The following JAZF1 variants were observed in gnomAD, a reference collection of about 807,000 sequenced individuals.
The protein encoded by JAZF1 is juxtaposed with another zinc finger protein 1.
A neutral mutation model predicts 26.4 loss-of-function variants in JAZF1; 8 were observed. That is an observed-to-expected ratio of 0.30 (90% CI 0.18 to 0.55). The LOEUF (loss-of-function observed/expected upper bound fraction) is 0.55. JAZF1 is among the 20% of genes least tolerant of loss of function. JAZF1 has a pLI of 0.94. For synonymous variants in JAZF1, 126 were observed against 122.3 expected, an observed-to-expected ratio of 1.03 and a Z score of -0.20; for missense variants, 199 against 322.0, an observed-to-expected ratio of 0.62 and a Z score of 2.92.
In JAZF1 at chr7:27,832,680, AG is replaced by A; in HGVS notation, c.*119del. On this transcript the variant is annotated 3_prime_UTR_variant, in exon 5 of 5. Coordinates refer to ENST00000283928, the MANE Select transcript of JAZF1 (RefSeq NM_175061.4). Reference sequence around the variant, plus strand: ...TTCCAAAATTACAGAAAAAATTTAAAGCATGCATTTAATTCTTTTTCTTTAA... The same window carrying A: ...TTCCAAAATTACAGAAAAAATTTAAACATGCATTTAATTCTTTTTCTTTAA... 2 of 766,700 alleles carry A rather than the reference AG, an allele frequency of 2.6e-6. No individual in the cohort carries two copies. The highest frequency in any genetic ancestry group is 4.0e-6 in the Non-Finnish European group (2 of 495,914). The allele number at this position is 766,700 out of a possible 1,614,324, so 47.5% of individuals were successfully genotyped here.
At chr7:28,142,726 C>G (rs538003929) in intron 1 of JAZF1, among the ~76,000 whole-genome samples, 6 of 152,288 alleles carry the variant, frequency 3.9e-5, no homozygotes, top group Admixed American at 3.9e-4. Context: ...CTAGCCCATG[C>G]AGCCCTTTCG....
intron 1 of JAZF1, among the ~76,000 whole-genome samples, chr7:28,056,475 C>A (rs10243748): frequency 0.17 from 20,011 of 119,764 alleles, 1,884 homozygotes; most frequent in African/African-American, 0.2. Context: ...CACACACACA[C>A]AATAAGAAAG....
At chr7:27,910,861 C>T (rs1227771958) in intron 2 of JAZF1, among the ~76,000 whole-genome samples, 1 of 152,176 alleles carries the variant, frequency 6.6e-6, no homozygotes, top group African/African-American at 2.4e-5. Context: ...GGTTGTTCCC[C>T]CCACCCCAAG....
intron 1 of JAZF1, among the ~76,000 whole-genome samples, chr7:28,033,452 T>C (rs144493550): frequency 2.0e-5 from 3 of 152,098 alleles, no homozygotes; most frequent in African/African-American, 7.2e-5. Flanking sequence ...GAGCTGCACA[T>C]GTAAGCCTGT....
intron 1 of JAZF1, among the ~76,000 whole-genome samples, chr7:28,140,062 T>C (rs575637409): frequency 2.7e-5 from 4 of 149,122 alleles, no homozygotes; most frequent in Non-Finnish European, 4.4e-5. Context: ...CCAGCTCCTA[T>C]AAAAGTTGAA....
chr7:28,083,167 C>T (rs1784162979), intron 1 of JAZF1, among the ~76,000 whole-genome samples: 6 of 152,190 alleles, frequency 3.9e-5, no homozygotes, highest in Admixed American at 3.3e-4. Context: ...CTAGATCAAG[C>T]GCCCCTTCCA....
At chr7:28,175,200 C>T (rs370755259) in intron 1 of JAZF1, among the ~76,000 whole-genome samples, 4 of 152,118 alleles carry the variant, frequency 2.6e-5, no homozygotes, top group African/African-American at 9.7e-5. Context: ...TGCCTCTGGC[C>T]ACACAAAAGA....
chr7:28,146,831 G>C (rs1783035108), intron 1 of JAZF1, among the ~76,000 whole-genome samples: 3 of 149,478 alleles, frequency 2.0e-5, no homozygotes, highest in Admixed American at 1.3e-4. Flanking sequence ...CTGGTTTTTT[G>C]CTTTTTTTGT....
intron 1 of JAZF1, among the ~76,000 whole-genome samples, chr7:28,163,559 CT>C (rs749221245): frequency 3.9e-5 from 6 of 152,290 alleles, no homozygotes; most frequent in Middle Eastern, 3.4e-3. Context: ...AAATTAAAGC[CT>C]TTAGGTTCTT....
intron 1 of JAZF1, among the ~76,000 whole-genome samples, chr7:28,078,772 A>C (rs1465636328): frequency 1.3e-5 from 2 of 152,232 alleles, no homozygotes; most frequent in Non-Finnish European, 2.9e-5. Flanking sequence ...GCAGCAGATC[A>C]GTTGAGTATT....
chr7:28,071,755 G>A (rs1783982076), intron 1 of JAZF1: 1 of 408,074 alleles, frequency 2.5e-6, no homozygotes, highest in African/African-American at 2.1e-5. Flanking sequence ...ACACATCTGT[G>A]ATCAGAAAAA....
At chr7:27,931,677 G>T (rs767754570) in intron 2 of JAZF1, among the ~76,000 whole-genome samples, 12 of 152,160 alleles carry the variant, frequency 7.9e-5, no homozygotes, top group Non-Finnish European at 1.0e-4. Flanking sequence ...AATTAGCTGG[G>T]CGTGTTGGTG....
At chr7:27,988,377 T>G (rs1785780739) in intron 2 of JAZF1, among the ~76,000 whole-genome samples, 1 of 126,466 alleles carries the variant, frequency 7.9e-6, no homozygotes, top group Non-Finnish European at 1.8e-5. Context: ...AATTGTAAAT[T>G]TTTTTTTTTT....
intron 1 of JAZF1, among the ~76,000 whole-genome samples, chr7:28,064,458 C>A (rs980599697): frequency 6.6e-6 from 1 of 152,014 alleles, no homozygotes; most frequent in Non-Finnish European, 1.5e-5. Flanking sequence ...TATTTATCAC[C>A]CATTCAACAA....
intron 1 of JAZF1, chr7:28,071,556 C>A: frequency 4.3e-6 from 2 of 467,928 alleles, no homozygotes. Context: ...TTAGTATGTC[C>A]CATAAAAGTA....
intron 1 of JAZF1, among the ~76,000 whole-genome samples, chr7:28,021,520 C>T (rs928950035): frequency 6.6e-6 from 1 of 152,170 alleles, no homozygotes; most frequent in African/African-American, 2.4e-5. Flanking sequence ...TTGCTAACAG[C>T]TGGAGGAGCA....
At chr7:27,849,280 G>C (rs564798756) in intron 3 of JAZF1, among the ~76,000 whole-genome samples, 3 of 152,306 alleles carry the variant, frequency 2.0e-5, no homozygotes, top group African/African-American at 7.2e-5. Flanking sequence ...GCTAAGCCTC[G>C]TGACAGCCAG....
At chr7:27,902,465 G>GC (rs1376855217) in intron 2 of JAZF1, among the ~76,000 whole-genome samples, 1 of 152,160 alleles carries the variant, frequency 6.6e-6, no homozygotes, top group African/African-American at 2.4e-5. Flanking sequence ...TATTAGTGTA[G>GC]CAGTTAAGAG....
At chr7:28,105,716 T>C (rs1784540920) in intron 1 of JAZF1, among the ~76,000 whole-genome samples, 1 of 152,228 alleles carries the variant, frequency 6.6e-6, no homozygotes, top group African/African-American at 2.4e-5. Context: ...CAAGCTTGAC[T>C]TGCTCCTCTC....
Sources: gnomAD v4.1 joint callset for allele counts (sites outside exome capture counted in the v4.1 genomes callset) on GRCh38, gnomAD v4.1.1 for gene constraint, MANE v1.5 for transcripts, NCBI Gene and HGNC (gene_info 2026-07-23, HGNC 2026-07-21) for gene names.